The following PCDHGA5 variants were observed in gnomAD, a reference collection of about 807,000 sequenced individuals.
PCDHGA5 encodes protocadherin gamma subfamily A, 5.
PCDHGA5 carries 36 observed loss-of-function variants against 56.7 expected under a neutral mutation model. The ratio of observed to expected loss-of-function variants is 0.64; its 90% CI spans 0.49 to 0.84. The LOEUF (loss-of-function observed/expected upper bound fraction) is 0.84, where lower values mean the gene tolerates loss of function less well. PCDHGA5 is among the 40% of genes least tolerant of loss of function. The probability of loss-of-function intolerance (pLI) is 0.00; values close to 1 mark genes in which losing one functional copy is unlikely to be tolerated. For missense variants in PCDHGA5, 1,305 were observed against 1,201.5 expected (o/e 1.09, Z -1.27); for synonymous variants, 563 against 520.2 (o/e 1.08, Z -1.12).
intron 1 of PCDHGA5, chr5:141,409,809 A>G: frequency 1.2e-6 from 2 of 1,611,542 alleles, no homozygotes; most frequent in Non-Finnish European, 1.7e-6. Context: ...CAGGCCCGCG[A>G]CCACGGCTCG....
chr5:141,428,082 G>A lies in PCDHGA5; in HGVS notation c.2421+61331G>A, dbSNP rs776612130. 2.5e-6 allele frequency: 4 copies of A among 1,609,030 alleles called. No individual in the cohort carries two copies. In the African/African-American group the frequency reaches 5.3e-5, roughly 21 times the overall value. On this transcript the variant is annotated intron_variant, in intron 1 of 3. Transcript: ENST00000518069. ...GGTGGACGCAGATTCGGGACACAACGCTTGGCTGTCCTACCACGTGCTGCA... is the reference window on the plus strand; with the variant it reads ...GGTGGACGCAGATTCGGGACACAACACTTGGCTGTCCTACCACGTGCTGCA...
intron 1 of PCDHGA5, chr5:141,405,642 T>C (rs2094697537): frequency 1.9e-6 from 1 of 528,606 alleles, no homozygotes; most frequent in Non-Finnish European, 3.3e-6. Flanking sequence ...GCCCGGCTAA[T>C]TTTTTGTGTG....
At chr5:141,407,524 C>CT (rs2094949017) in intron 1 of PCDHGA5, among the ~76,000 whole-genome samples, 1 of 146,696 alleles carries the variant, frequency 6.8e-6, no homozygotes, top group Admixed American at 6.8e-5. Flanking sequence ...TAGGACTTAA[C>CT]TTATTGTGCA....
At chr5:141,422,714 C>T (rs2096666670) in intron 1 of PCDHGA5, 1 of 1,603,720 alleles carries the variant, frequency 6.2e-7, no homozygotes, top group South Asian at 1.1e-5. Flanking sequence ...ACGGATGACA[C>T]TGTCCAGGGG....
intron 1 of PCDHGA5, chr5:141,441,986 C>G (rs2098288559): frequency 7.4e-6 from 2 of 269,216 alleles, no homozygotes; most frequent in Non-Finnish European, 1.5e-5. Flanking sequence ...GAATGCGCAC[C>G]GACGAGGTGC....
rs766428179 is a variant in PCDHGA5, at chr5:141,395,052, C to T, written c.2421+28301C>T. 25 of 1,614,148 alleles carry T rather than the reference C, an allele frequency of 1.5e-5. No homozygotes were observed. In the African/African-American group the frequency reaches 3.2e-4, roughly 21 times the overall value. On this transcript the variant is annotated intron_variant, in intron 1 of 3. Coordinates refer to ENST00000518069, the MANE Select transcript of PCDHGA5 (RefSeq NM_018918.3). Reference sequence around the variant, plus strand: ...ACATTTTGTGGGTGTTGAGGAGGTACAGGCTTTCCTGCAGACCTATTCCCA... The same window carrying T: ...ACATTTTGTGGGTGTTGAGGAGGTATAGGCTTTCCTGCAGACCTATTCCCA...
chr5:141,415,649 A>G (rs1179309556), intron 1 of PCDHGA5: 1 of 1,597,606 alleles, frequency 6.3e-7, no homozygotes, highest in Non-Finnish European at 8.5e-7. Context: ...GTTAAAAAAA[A>G]AAAGATTGGT....
At chr5:141,393,195 G>A (rs1359316660) in intron 1 of PCDHGA5, 6 of 1,613,316 alleles carry the variant, frequency 3.7e-6, no homozygotes, top group South Asian at 1.1e-5. Context: ...TGATATTAAC[G>A]ATAATAACCC....
intron 1 of PCDHGA5, among the ~76,000 whole-genome samples, chr5:141,373,018 T>C (rs200877775): frequency 1.8e-4 from 27 of 152,226 alleles, no homozygotes; most frequent in Non-Finnish European, 1.5e-4. Context: ...CTCCTTTTGA[T>C]AGTCTTGAAA....
At position 141,491,700 on chromosome 5, in the gene PCDHGA5, G is replaced by A. The variant is rs1199177466; in HGVS notation, c.2422-3107G>A. 3.1e-6 allele frequency: 5 copies of A among 1,611,830 alleles called. No homozygotes were observed. The highest frequency in any genetic ancestry group is 4.2e-6 in the Non-Finnish European group (5 of 1,179,142). On this transcript the variant is annotated intron_variant, in intron 1 of 3. Coordinates refer to ENST00000518069, the MANE Select transcript of PCDHGA5 (RefSeq NM_018918.3). The surrounding 1 kb of genome is among the most constrained non-coding windows in gnomAD (Gnocchi z 6.9). ...CTAATACGCTGCGGGAGCGGAGCCA[G>A]GTGAGGGGCTCGGCGCCGCCCCGGG...
intron 1 of PCDHGA5, chr5:141,413,769 G>T: frequency 6.2e-7 from 1 of 1,612,870 alleles, no homozygotes; most frequent in Non-Finnish European, 8.5e-7. Flanking sequence ...ACCCGGAGCT[G>T]GTACTGGAGC....
At chr5:141,453,014 G>A (rs2098753820) in intron 1 of PCDHGA5, among the ~76,000 whole-genome samples, 1 of 152,206 alleles carries the variant, frequency 6.6e-6, no homozygotes, top group Non-Finnish European at 1.5e-5. Flanking sequence ...GTATAGTTAT[G>A]TGATTCATTA....
intron 1 of PCDHGA5, chr5:141,399,531 G>A (rs771221717): frequency 1.2e-6 from 2 of 1,614,052 alleles, no homozygotes; most frequent in Non-Finnish European, 1.7e-6. Flanking sequence ...CCTCCATCGC[G>A]CAAGTCTGCG....
chr5:141,458,386 G>T (rs1037969327), intron 1 of PCDHGA5, among the ~76,000 whole-genome samples: 2 of 152,070 alleles, frequency 1.3e-5, no homozygotes, highest in African/African-American at 2.4e-5. Flanking sequence ...GAAGGAAGAC[G>T]CTCCCCCTTG....
At chr5:141,505,341 A>G in intron 2 of PCDHGA5, 52 bp from the exon 3 acceptor site, 3 of 1,612,728 alleles carry the variant, frequency 1.9e-6, no homozygotes, top group Non-Finnish European at 2.5e-6. Context: ...CAGGAGGGGC[A>G]TGAGCTGTGC....
At position 141,413,564 on chromosome 5, in the gene PCDHGA5, T is replaced by C. The variant is rs762044373; in HGVS notation, c.2421+46813T>C. 9 of 1,613,760 alleles carry C rather than the reference T, an allele frequency of 5.6e-6. No homozygotes were observed. The Admixed American group carries it at 1.2e-4, about 21-fold the overall frequency. ...GGGATAGAAATAGAAGTAACTGATA[T>C]CAATGACAATGCTCCAAAATTCCAA... On this transcript the variant is annotated intron_variant, in intron 1 of 3. Coordinates refer to ENST00000518069, the MANE Select transcript of PCDHGA5 (RefSeq NM_018918.3).
chr5:141,376,309 C>A (rs775051431), intron 1 of PCDHGA5: 109 of 1,614,030 alleles, frequency 6.8e-5, no homozygotes, highest in Non-Finnish European at 8.9e-5. Context: ...ACTTTGTGGG[C>A]GTGGAAGGGG....
intron 1 of PCDHGA5, chr5:141,390,099 C>G: frequency 6.2e-7 from 1 of 1,614,052 alleles, no homozygotes; most frequent in Non-Finnish European, 8.5e-7. Context: ...CGTGGTTCCC[C>G]CCAACTACAG....
chr5:141,436,240 G>T (rs192988618), intron 1 of PCDHGA5, among the ~76,000 whole-genome samples: 1 of 152,082 alleles, frequency 6.6e-6, no homozygotes. Context: ...AGCTAACATG[G>T]TCTAATTATT....
Sources: allele counts gnomAD v4.1 joint callset (sites outside exome capture counted in the v4.1 genomes callset), GRCh38; gene constraint gnomAD v4.1.1; non-coding constraint Gnocchi (gnomAD v3.1); transcripts MANE v1.5; gene names NCBI Gene and HGNC (gene_info 2026-07-23, HGNC 2026-07-21).